Variants in EIF4G3 observed in about 807,000 individuals in gnomAD.
EIF4G3 encodes the protein eukaryotic translation initiation factor 4 gamma 3, also known as eIF-4-gamma 3.
EIF4G3 carries 34 observed loss-of-function variants against 186.4 expected under a neutral mutation model. The ratio of observed to expected loss-of-function variants is 0.18; its 90% CI spans 0.14 to 0.24. The LOEUF (loss-of-function observed/expected upper bound fraction) is 0.24, where lower values mean the gene tolerates loss of function less well. EIF4G3 is among the 10% of genes least tolerant of loss of function. The probability of loss-of-function intolerance (pLI) is 1.00; values close to 1 mark genes in which losing one functional copy is unlikely to be tolerated. For missense variants in EIF4G3, 1,536 were observed against 1,948.5 expected, an observed-to-expected ratio of 0.79 and a Z score of 3.99; for synonymous variants, 673 against 679.5, an observed-to-expected ratio of 0.99 and a Z score of 0.15.
At chr1:21,160,152 A>G (rs2097738001) in intron 2 of EIF4G3, among the ~76,000 whole-genome samples, 2 of 152,268 alleles carry the variant, frequency 1.3e-5, no homozygotes, top group South Asian at 4.2e-4. Context: ...GAACACAGAA[A>G]TCAACCTGAA....
chr1:20,943,217 A>C (rs2095791289), intron 13 of EIF4G3, among the ~76,000 whole-genome samples: 1 of 151,218 alleles, frequency 6.6e-6, no homozygotes, highest in South Asian at 2.1e-4. Context: ...TAAAACAATT[A>C]AGGAGAAAAC....
chr1:20,818,454 C>T (rs1397709398), intron 33 of EIF4G3, among the ~76,000 whole-genome samples: 12 of 152,100 alleles, frequency 7.9e-5, no homozygotes, highest in Non-Finnish European at 1.5e-5. Context: ...GCCTGGGCAA[C>T]ATGGCAAAAC....
chr1:21,156,646 T>C (rs2097666170), intron 2 of EIF4G3, among the ~76,000 whole-genome samples: 1 of 152,206 alleles, frequency 6.6e-6, no homozygotes, highest in Non-Finnish European at 1.5e-5. Context: ...GGAGTCAACT[T>C]TAACTCTTCT....
At position 20,942,250 on chromosome 1, in the gene EIF4G3, G is replaced by C; in HGVS notation, c.904C>G (p.Gln302Glu). The C allele has an allele frequency of 6.2e-7, 1 of 1,614,036 alleles. No homozygotes were observed. The highest frequency in any genetic ancestry group is 1.6e-4 in the Middle Eastern group (1 of 6,062). The change falls in exon 14 of 37, where the codon CAA becomes GAA. Residue 302 changes from glutamine (Q) to glutamate (E), a missense_variant. Gln to Glu is a conservative substitution (Grantham distance 29, BLOSUM62 2). Around this residue, in one of 11 missense-constraint regions of EIF4G3, gnomAD observed 560 missense variants for 547.8 expected, o/e 1.02. Transcript: ENST00000602326. ...GTAGTTTCAGATGTCTGGCCTTCTT[G>C]TTCTTTCTTCTCTCCACTGAGGACT... ...RLVLSGEKKEQEGQTSETTAI... is the reference protein window; with the variant it reads ...RLVLSGEKKEEEGQTSETTAI...
intron 5 of EIF4G3, among the ~76,000 whole-genome samples, chr1:21,002,062 A>C (rs1390532164): frequency 1.3e-5 from 2 of 152,240 alleles, no homozygotes; most frequent in South Asian, 4.1e-4. Context: ...AGGAATGGAG[A>C]GCTGAAGCCA....
chr1:20,864,036 C>T (rs940071508), intron 22 of EIF4G3, among the ~76,000 whole-genome samples: 1 of 152,042 alleles, frequency 6.6e-6, no homozygotes, highest in Admixed American at 6.6e-5. Context: ...ATTTCTATAC[C>T]CCTTAAATAG....
intron 2 of EIF4G3, among the ~76,000 whole-genome samples, chr1:21,169,152 C>T (rs140475359): frequency 2.8e-4 from 42 of 151,804 alleles, no homozygotes; most frequent in African/African-American, 9.9e-4. Context: ...AGTAAGACCC[C>T]ACCTCTTTAA....
chr1:20,869,593 G>C (rs1011983316), intron 20 of EIF4G3, among the ~76,000 whole-genome samples: 13 of 151,824 alleles, frequency 8.6e-5, no homozygotes, highest in African/African-American at 2.7e-4. Flanking sequence ...GGCTAACATG[G>C]TGAAACCCAG....
At chr1:20,830,218 A>G (rs550173617) in intron 30 of EIF4G3, among the ~76,000 whole-genome samples, 2 of 152,306 alleles carry the variant, frequency 1.3e-5, no homozygotes, top group South Asian at 4.1e-4. Flanking sequence ...GGTTCTAGCC[A>G]AAGTATGCCA....
intron 2 of EIF4G3, among the ~76,000 whole-genome samples, chr1:21,104,462 T>C (rs945665488): frequency 6.6e-6 from 1 of 152,050 alleles, no homozygotes. Flanking sequence ...AACAAGCATA[T>C]GAAAAAATGC....
At position 20,843,031 on chromosome 1, in the gene EIF4G3, A is replaced by C. The variant is rs1446387901; in HGVS notation, c.3889-2003T>G. 2.0e-5 allele frequency among the ~76,000 whole-genome samples: 3 copies of C among 151,906 alleles called. No individual in the cohort carries two copies. In the East Asian group the frequency reaches 5.8e-4, roughly 30 times the overall value. Reference sequence around the variant, plus strand: ...CTAATTTAAAAAAATTTTTTTGTAAAGATGGATATCTTGCCCAGGCTGGTC... The same window carrying C: ...CTAATTTAAAAAAATTTTTTTGTAACGATGGATATCTTGCCCAGGCTGGTC... On this transcript the variant is annotated intron_variant, in intron 29 of 36. Transcript: ENST00000602326.
At chr1:21,054,939 A>C (rs1208729203) in intron 3 of EIF4G3, among the ~76,000 whole-genome samples, 1 of 152,178 alleles carries the variant, frequency 6.6e-6, no homozygotes, top group Non-Finnish European at 1.5e-5. Context: ...ATCTAGTTTC[A>C]TCCTTGTTTT....
intron 2 of EIF4G3, among the ~76,000 whole-genome samples, chr1:21,149,637 C>T (rs2097519790): frequency 6.6e-6 from 1 of 152,156 alleles, no homozygotes; most frequent in African/African-American, 2.4e-5. Flanking sequence ...GTCCAAAGAG[C>T]ACACACAGCA....
At chr1:20,813,364 A>T in intron 34 of EIF4G3, 125 bp from the exon 35 acceptor site, 1 of 509,968 alleles carries the variant, frequency 2.0e-6, no homozygotes, top group Non-Finnish European at 3.6e-6. Flanking sequence ...AGGAGTTGAG[A>T]CCAGTCTGGG....
In EIF4G3 at chr1:20,960,298, T is replaced by C. The variant is rs1180656474; in HGVS notation, c.714+9176A>G. The stretch of plus-strand genomic sequence containing the variant: ...CCTGGCCAACAGGCGAAACCCTGTC[T>C]CTACTAAAAATACAAAAATTAGCCG... On this transcript the variant is annotated intron_variant, in intron 12 of 36. Coordinates refer to ENST00000602326, the MANE Select transcript of EIF4G3 (RefSeq NM_001391906.1). Among the ~76,000 whole-genome samples, 31 of 151,972 alleles carry C rather than the reference T, an allele frequency of 2.0e-4. 1 individual carries two copies. The highest frequency in any genetic ancestry group is 2.0e-3 in the Admixed American group (31 of 15,266).
At chr1:20,911,600 C>T (rs948895190) in intron 14 of EIF4G3, among the ~76,000 whole-genome samples, 5 of 143,614 alleles carry the variant, frequency 3.5e-5, no homozygotes, top group Admixed American at 1.4e-4. Context: ...AATGTAAAAG[C>T]GCTAACTACA....
chr1:20,902,476 AG>A (rs1205535841), intron 15 of EIF4G3, among the ~76,000 whole-genome samples: 2 of 152,198 alleles, frequency 1.3e-5, no homozygotes, highest in Non-Finnish European at 2.9e-5. Context: ...AATCTAAGAA[AG>A]GGGGAGCCTG....
Position 20,998,474 on chromosome 1 carries a change from G to A in EIF4G3, c.145-841C>T, listed in dbSNP as rs145460172. ...ACCTAAGAATAAAGCACAAAGAAAT[G>A]TAATTCCTCAGCTAAATCATAGAGT... On this transcript the variant is annotated intron_variant, in intron 6 of 36. Coordinates refer to ENST00000602326, the MANE Select transcript of EIF4G3 (RefSeq NM_001391906.1). Among the ~76,000 whole-genome samples the A allele has an allele frequency of 3.9e-3, 598 of 152,196 alleles. 6 individuals carry two copies. The highest frequency in any genetic ancestry group is 0.013 in the African/African-American group (560 of 41,526).
intron 33 of EIF4G3, among the ~76,000 whole-genome samples, chr1:20,824,046 T>C (rs2063031504): frequency 6.6e-6 from 1 of 152,248 alleles, no homozygotes; most frequent in African/African-American, 2.4e-5. Flanking sequence ...TGTAATAGTA[T>C]CTTCCCACTG....
Sources: gnomAD v4.1 joint callset for allele counts (sites outside exome capture counted in the v4.1 genomes callset) on GRCh38, gnomAD v4.1.1 for gene constraint, gnomAD v4.1.1 regional missense constraint, MANE v1.5 for transcripts, NCBI Gene and HGNC (gene_info 2026-07-23, HGNC 2026-07-21) for gene names.